ABCB4: variants seen among roughly 807,000 people sequenced by gnomAD.
ABCB4 encodes ATP binding cassette subfamily B member 4.
In ABCB4, 76 loss-of-function variants were observed where a neutral mutation model predicts 145.7. The observed-to-expected ratio is 0.52, with a 90% confidence interval of 0.43 to 0.63. The LOEUF is 0.63. Among genes scored for constraint, ABCB4 ranks in the 30% least tolerant of loss-of-function variants. The pLI is 0.00. For synonymous variants in ABCB4, 517 were observed against 566.8 expected, an observed-to-expected ratio of 0.91 and a Z score of 1.25; for missense variants, 1,234 against 1,553.1, an observed-to-expected ratio of 0.79 and a Z score of 3.45.
chr7:87,382,440 G>T, the ABCB4 span: 2 of 1,613,698 alleles, frequency 1.2e-6, no homozygotes, highest in Non-Finnish European at 1.7e-6. Context: ...TGCGGCTTAT[G>T]CCTTTACATC....
At chr7:87,385,721 A>G in the ABCB4 span, among the ~76,000 whole-genome samples, 1 of 152,204 alleles carries the variant, frequency 6.6e-6, no homozygotes, top group Admixed American at 6.5e-5. Flanking sequence ...TATGTTGCAT[A>G]AAAGTGGTGA....
chr7:87,369,525 T>C, the ABCB4 span: 4 of 1,379,122 alleles, frequency 2.9e-6, no homozygotes, highest in East Asian at 7.1e-5. Context: ...GGTCTTATGG[T>C]GTTGCTTGAA....
intron 10 of ABCB4, 71 bp from the exon 11 acceptor site, chr7:87,443,844 C>G (rs1375316461): frequency 8.4e-7 from 1 of 1,190,044 alleles, no homozygotes; most frequent in East Asian, 2.4e-5. Context: ...GAATATGATT[C>G]AGCAAATTCC....
chr7:87,471,918 G>A (rs1813438852), intron 3 of ABCB4, among the ~76,000 whole-genome samples: 1 of 152,134 alleles, frequency 6.6e-6, no homozygotes. Flanking sequence ...TAAAATTTAT[G>A]TACTTAACAA....
rs1348606984 is a variant in ABCB4, at chr7:87,444,977, T to C, written c.1006-2A>G. On this transcript the variant is annotated splice_acceptor_variant, in intron 9 of 27. Transcript: ENST00000649586. LOFTEE classifies it high-confidence loss of function. ...TCCAATTAGGATTGAAAAAAAAACC[T>C]GAGCAAAATAACATGAGGAAAAGTT... 6.3e-7 allele frequency: 1 copy of C among 1,587,008 alleles called. No individual in the cohort carries two copies. Among genetic ancestry groups the C allele is most frequent in the East Asian group, 2.2e-5 (1 of 44,670 alleles).
In ABCB4 at chr7:87,403,209, G is replaced by A. The variant is rs1460630569; in HGVS notation, c.3559C>T (p.Arg1187Ter). The part of the protein sequence containing the change: ...GGQKQRIAIA[R>*]ALIRQPQILL... ...ATTTGAGGTTGTCTGATGAGGGCTC[G>A]GGCAATAGCAATCCTCTGTTTTTGA... The change falls in exon 27 of 28, where the codon CGA becomes TGA. Residue 1187 changes from arginine to a stop codon, truncating the protein, a stop_gained. Coordinates refer to ENST00000649586, the MANE Select transcript of ABCB4 (RefSeq NM_000443.4). LOFTEE classifies it high-confidence loss of function. The A allele has an allele frequency of 1.2e-6, 2 of 1,613,686 alleles. No individual in the cohort carries two copies. Among genetic ancestry groups the A allele is most frequent in the Non-Finnish European group, 1.7e-6 (2 of 1,179,842 alleles).
the ABCB4 span, chr7:87,392,646 T>C: frequency 6.2e-7 from 1 of 1,612,478 alleles, no homozygotes; most frequent in South Asian, 1.1e-5. Flanking sequence ...CTGGAAAAGG[T>C]ACTTAAGTTA....
intron 3 of ABCB4, among the ~76,000 whole-genome samples, chr7:87,464,053 C>A (rs1056478935): frequency 2.0e-5 from 3 of 152,190 alleles, no homozygotes; most frequent in South Asian, 2.1e-4. Flanking sequence ...CTTTACTCTG[C>A]CCATTCCCCC....
At position 87,453,023 on chromosome 7, in the gene ABCB4, A is replaced by G; in HGVS notation, c.457T>C (p.Phe153Leu). ...TCCTGTCGTAGAATAGCATGAAAAA[A>G]CTTCTGCCTAATTTTCCTGATCTGT... is the stretch of plus-strand genomic sequence containing the variant. ...GRQIRKIRQK[F>L]FHAILRQEIG... The change falls in exon 6 of 28, where the codon TTT becomes CTT. Residue 153 changes from phenylalanine to leucine, a missense_variant. This residue lies in a region of ABCB4 where 467 missense variants were observed against 632.8 expected (regional missense o/e 0.74). Transcript: ENST00000649586. 4 of 1,613,940 alleles carry G rather than the reference A, an allele frequency of 2.5e-6. No homozygotes were observed. The highest frequency in any genetic ancestry group is 3.3e-5 in the Admixed American group (2 of 59,992).
intron 21 of ABCB4, among the ~76,000 whole-genome samples, chr7:87,413,972 G>T: frequency 6.6e-6 from 1 of 152,196 alleles, no homozygotes; most frequent in East Asian, 1.9e-4. Context: ...AAGAACTGTG[G>T]CCTGGGAACC....
the ABCB4 span, among the ~76,000 whole-genome samples, chr7:87,383,104 T>C: frequency 5.9e-5 from 9 of 152,234 alleles, no homozygotes; most frequent in Non-Finnish European, 1.2e-4. Flanking sequence ...TATTACGTCT[T>C]CGTGTGGGGA....
chr7:87,422,279 A>C, intron 17 of ABCB4, 54 bp from the exon 18 acceptor site: 1 of 1,340,006 alleles, frequency 7.5e-7, no homozygotes, highest in Non-Finnish European at 1.1e-6. Context: ...ATCCTTCTTC[A>C]TTCCTCTCAT....
rs534665820 is a variant in ABCB4 at position 87,425,854 on chromosome 7, C to T, written c.2064+896G>A. 1.8e-4 allele frequency among the ~76,000 whole-genome samples: 27 copies of T among 151,884 alleles called. 1 individual carries two copies. In the East Asian group the frequency reaches 4.6e-3, roughly 26 times the overall value. ...TTGCACCACTGCACTTCAGCCTGGG[C>T]AACACAGCAAGACCCTGTCTCAAAA... On this transcript the variant is annotated intron_variant, in intron 16 of 27. Coordinates refer to ENST00000649586, the MANE Select transcript of ABCB4 (RefSeq NM_000443.4).
chr7:87,424,752 A>G (rs1809692680), intron 16 of ABCB4, among the ~76,000 whole-genome samples: 1 of 151,964 alleles, frequency 6.6e-6, no homozygotes, highest in Admixed American at 6.6e-5. Context: ...TTTAAGGTAA[A>G]GATTATGTCT....
Position 87,418,618 on chromosome 7 carries a change from G to C in ABCB4, c.2397C>G (p.Asp799Glu), listed in dbSNP as rs1354312046. ...SMAFKAMLRQ[D>E]MSWFDDHKNS... ...TTTTATGGTCATCAAACCAGCTCAT[G>C]TCCTATGGCATAAAATACACGTTTA... The change falls in exon 20 of 28, where the codon GAC becomes GAG. Residue 799 changes from aspartate to glutamate, a missense_variant and splice_region_variant. Around this residue, in one of 7 missense-constraint regions of ABCB4, gnomAD observed 321 missense variants for 332.6 expected, o/e 0.97. Coordinates refer to ENST00000649586, the MANE Select transcript of ABCB4 (RefSeq NM_000443.4). 10 of 1,613,982 alleles carry C rather than the reference G, an allele frequency of 6.2e-6. No individual in the cohort carries two copies. The highest frequency in any genetic ancestry group is 8.5e-6 in the Non-Finnish European group (10 of 1,179,878).
downstream of ABCB4, among the ~76,000 whole-genome samples, chr7:87,400,644 G>T (rs948704989): frequency 6.6e-6 from 1 of 152,166 alleles, no homozygotes; most frequent in Non-Finnish European, 1.5e-5. Context: ...ATAAATACAG[G>T]TTGAACATTC....
chr7:87,373,575 G>A, the ABCB4 span, among the ~76,000 whole-genome samples: 2 of 152,070 alleles, frequency 1.3e-5, no homozygotes, highest in Admixed American at 1.3e-4. Context: ...GGGAGATAAT[G>A]TTTAAATATA....
chr7:87,372,329 G>T, the ABCB4 span, among the ~76,000 whole-genome samples: 61 of 152,164 alleles, frequency 4.0e-4, 2 homozygotes, highest in East Asian at 0.012. Flanking sequence ...TTTGATTTAG[G>T]CAAATTTATC....
At chr7:87,407,680 G>A (rs1269861661) in intron 25 of ABCB4, among the ~76,000 whole-genome samples, 1 of 152,208 alleles carries the variant, frequency 6.6e-6, no homozygotes, top group Non-Finnish European at 1.5e-5. Context: ...GAGGCAATAA[G>A]CAGGTAGCAC....
Sources: gnomAD v4.1 joint callset for allele counts (sites outside exome capture counted in the v4.1 genomes callset) on GRCh38, gnomAD v4.1.1 for gene constraint, gnomAD v4.1.1 regional missense constraint, MANE v1.5 for transcripts, NCBI Gene and HGNC (gene_info 2026-07-23, HGNC 2026-07-21) for gene names.